Variants in SLC7A14 observed in about 807,000 individuals in gnomAD.
SLC7A14 encodes the protein gamma-aminobutyric acid transporter SLC7A14.
Under a neutral mutation model 60.2 loss-of-function variants are expected in SLC7A14, and 37 were observed. The ratio of observed to expected loss-of-function variants is 0.61; its 90% confidence interval spans 0.47 to 0.81. The LOEUF is 0.81. SLC7A14 is among the 30% of genes least tolerant of loss of function. The pLI is 0.00. For synonymous variants in SLC7A14, 399 were observed against 395.8 expected (o/e 1.01, Z -0.10); for missense variants, 886 against 982.7 (o/e 0.90, Z 1.32).
chr3:170,534,965 A>C (rs186423824), intron 1 of SLC7A14, among the ~76,000 whole-genome samples: 84 of 152,344 alleles, frequency 5.5e-4, no homozygotes, highest in Middle Eastern at 3.4e-3. Flanking sequence ...TGGAGAAGGA[A>C]GGATAGGCTT....
At chr3:170,552,512 C>T (rs1283377798) in intron 1 of SLC7A14, among the ~76,000 whole-genome samples, 2 of 151,998 alleles carry the variant, frequency 1.3e-5, no homozygotes, top group Non-Finnish European at 2.9e-5. Context: ...GGTTTTTGAC[C>T]TGTGTGATTG....
At chr3:170,510,745 G>T (rs1475280065) in intron 2 of SLC7A14, among the ~76,000 whole-genome samples, 1 of 152,208 alleles carries the variant, frequency 6.6e-6, no homozygotes, top group African/African-American at 2.4e-5. Context: ...GAAGCGGCAA[G>T]TGGGCTGGAA....
rs369436642 is a variant in SLC7A14 at position 170,550,512 on chromosome 3, A to ATTTTTTTTTTTTTTTTTTTT, written c.-152-23444_-152-23425dup. Among the ~76,000 whole-genome samples the ATTTTTTTTTTTTTTTTTTTT allele has an allele frequency of 5.6e-4, 34 of 60,608 alleles. 3 individuals carry two copies. The highest frequency in any genetic ancestry group is 1.6e-3 in the African/African-American group (18 of 11,468). The allele number at this position is 60,608 out of a possible 152,430, so 39.8% of individuals were successfully genotyped here. ...TAAACCTAATGCCATCTTTCCTTGA[A>ATTTTTTTTTTTTTTTTTTTT]TTTTTTTTTTTTTTTTTTTTTTTTT... On this transcript the variant is annotated intron_variant, in intron 1 of 7. Coordinates refer to ENST00000231706, the MANE Select transcript of SLC7A14 (RefSeq NM_020949.3).
chr3:170,515,583 G>C (rs1323987095), intron 2 of SLC7A14, among the ~76,000 whole-genome samples: 3 of 151,858 alleles, frequency 2.0e-5, no homozygotes, highest in African/African-American at 7.3e-5. Flanking sequence ...GGGACTAATT[G>C]CACCTGGCTC....
intron 1 of SLC7A14, among the ~76,000 whole-genome samples, chr3:170,539,834 T>C (rs993157526): frequency 3.9e-5 from 6 of 152,196 alleles, no homozygotes; most frequent in African/African-American, 1.2e-4. Context: ...TTTTTTCCTA[T>C]ATGTACATAC....
chr3:170,498,542 G>C, intron 4 of SLC7A14, 125 bp downstream of exon 4: 1 of 785,146 alleles, frequency 1.3e-6, no homozygotes, highest in Non-Finnish European at 2.0e-6. Flanking sequence ...ATCAAAAGGT[G>C]ATAAAGAGGG....
chr3:170,525,321 G>A (rs1166967229), intron 2 of SLC7A14, among the ~76,000 whole-genome samples: 13 of 152,226 alleles, frequency 8.5e-5, no homozygotes, highest in Non-Finnish European at 1.6e-4. Flanking sequence ...CAATAGGAGA[G>A]CCATTTTTAC....
At chr3:170,569,023 C>T (rs1714870918) in intron 1 of SLC7A14, among the ~76,000 whole-genome samples, 1 of 152,116 alleles carries the variant, frequency 6.6e-6, no homozygotes, top group South Asian at 2.1e-4. Context: ...GCCTAATTGC[C>T]CTGGCCAGAA....
At chr3:170,578,318 A>G (rs1340047744) in intron 1 of SLC7A14, among the ~76,000 whole-genome samples, 2 of 152,250 alleles carry the variant, frequency 1.3e-5, no homozygotes, top group Non-Finnish European at 2.9e-5. Context: ...TCTTACAGAA[A>G]GACAATGTAG....
intron 1 of SLC7A14, among the ~76,000 whole-genome samples, chr3:170,537,097 C>T (rs2108298365): frequency 6.6e-6 from 1 of 152,304 alleles, no homozygotes; most frequent in South Asian, 2.1e-4. Context: ...TATTAGGTCC[C>T]TCTGGCTGCT....
chr3:170,496,066 C>A, intron 4 of SLC7A14: 1 of 1,262,370 alleles, frequency 7.9e-7, no homozygotes, highest in Non-Finnish European at 1.2e-6. Context: ...GAGCTGGAGT[C>A]TCGCCTGGAA....
chr3:170,564,811 C>G (rs979059753), intron 1 of SLC7A14, among the ~76,000 whole-genome samples: 1 of 152,122 alleles, frequency 6.6e-6, no homozygotes, highest in Admixed American at 6.5e-5. Flanking sequence ...GGGGGTGGAC[C>G]AACTGCTACC....
chr3:170,526,632 C>T lies in SLC7A14; in HGVS notation c.304+1G>A. Reference sequence around the variant, plus strand: ...GTACTTCCCTGCATGGAGACACTTACCTGATAATATGGATGCGACGGCTGC... The same window carrying T: ...GTACTTCCCTGCATGGAGACACTTATCTGATAATATGGATGCGACGGCTGC... On this transcript the variant is annotated splice_donor_variant, in intron 2 of 7. Coordinates refer to ENST00000231706, the MANE Select transcript of SLC7A14 (RefSeq NM_020949.3). LOFTEE classifies it high-confidence loss of function. 1 of 1,613,642 alleles carries T rather than the reference C, an allele frequency of 6.2e-7. No individual in the cohort carries two copies. The highest frequency in any genetic ancestry group is 1.1e-5 in the South Asian group (1 of 91,032).
intron 7 of SLC7A14, 90 bp downstream of exon 7, chr3:170,480,199 G>T: frequency 7.3e-7 from 1 of 1,361,390 alleles, no homozygotes; most frequent in Non-Finnish European, 9.8e-7. Flanking sequence ...TGGGAACGGA[G>T]TTGCCTAGTC....
chr3:170,492,383 T>A (rs143783624), intron 4 of SLC7A14, among the ~76,000 whole-genome samples: 191 of 152,350 alleles, frequency 1.3e-3, no homozygotes, highest in African/African-American at 4.2e-3. Context: ...TGTGCACCTG[T>A]AGTTCCAGTT....
intron 7 of SLC7A14, among the ~76,000 whole-genome samples, 164 bp downstream of exon 7, chr3:170,480,125 G>A (rs184010012): frequency 1.3e-5 from 2 of 152,274 alleles, no homozygotes; most frequent in East Asian, 3.9e-4. Flanking sequence ...GGCAGAAAGG[G>A]GACAACTGGC....
chr3:170,583,304 G>T (rs1715287158), intron 1 of SLC7A14, among the ~76,000 whole-genome samples: 1 of 152,218 alleles, frequency 6.6e-6, no homozygotes, highest in Non-Finnish European at 1.5e-5. Context: ...AGGTATGTTG[G>T]GTTAGACAAC....
intron 2 of SLC7A14, among the ~76,000 whole-genome samples, chr3:170,517,846 C>G (rs1408720138): frequency 6.6e-6 from 1 of 152,166 alleles, no homozygotes; most frequent in Non-Finnish European, 1.5e-5. Flanking sequence ...AAATTTTAAA[C>G]CCTAATGCCA....
intron 4 of SLC7A14, among the ~76,000 whole-genome samples, chr3:170,497,087 CAAAAAAA>C (rs548290941): frequency 1.9e-3 from 177 of 94,270 alleles, no homozygotes; most frequent in Middle Eastern, 0.012. Flanking sequence ...TTATTTTGTC[CAAAAAAA>C]AAAAAAAAAA....
Sources: gnomAD v4.1 joint callset for allele counts (sites outside exome capture counted in the v4.1 genomes callset) on GRCh38, gnomAD v4.1.1 for gene constraint, MANE v1.5 for transcripts, NCBI Gene and HGNC (gene_info 2026-07-23, HGNC 2026-07-21) for gene names.